The following XKR4 variants were observed in gnomAD, a reference collection of about 807,000 sequenced individuals.
The protein encoded by XKR4 is XK-related protein 4.
A neutral mutation model predicts 53.9 loss-of-function variants in XKR4; 12 were observed. The observed-to-expected ratio is 0.22, with a 90% CI of 0.14 to 0.36. The LOEUF (loss-of-function observed/expected upper bound fraction) is 0.36, where lower values mean the gene tolerates loss of function less well. Among genes scored for constraint, XKR4 ranks in the 10% least tolerant of loss-of-function variants. The pLI is 1.00. For missense variants in XKR4, 799 were observed against 859.5 expected, an observed-to-expected ratio of 0.93 and a Z score of 0.88; for synonymous variants, 354 against 362.4, an observed-to-expected ratio of 0.98 and a Z score of 0.26.
At chr8:55,109,242 T>C (rs1816199266) in intron 1 of XKR4, among the ~76,000 whole-genome samples, 1 of 152,184 alleles carries the variant, frequency 6.6e-6, no homozygotes, top group South Asian at 2.1e-4. Flanking sequence ...GTAGAGAGAC[T>C]AACTCTCATA....
intron 2 of XKR4, among the ~76,000 whole-genome samples, chr8:55,438,133 G>A (rs1431132059): frequency 6.6e-6 from 1 of 151,796 alleles, no homozygotes; most frequent in African/African-American, 2.4e-5. Context: ...AGGGCTCTAG[G>A]AACACATTAC....
chr8:55,405,254 G>A (rs572271539), intron 2 of XKR4, among the ~76,000 whole-genome samples: 47 of 152,290 alleles, frequency 3.1e-4, no homozygotes, highest in African/African-American at 1.0e-3. Context: ...AGGCCTGGCA[G>A]CCTGGATGGG....
chr8:55,282,739 A>G (rs1818859607), intron 1 of XKR4, among the ~76,000 whole-genome samples: 1 of 152,200 alleles, frequency 6.6e-6, no homozygotes, highest in Non-Finnish European at 1.5e-5. Context: ...AACTATATTG[A>G]GTGACATTGG....
chr8:55,509,316 A>G (rs187209786), intron 2 of XKR4, among the ~76,000 whole-genome samples: 26 of 152,296 alleles, frequency 1.7e-4, no homozygotes, highest in Admixed American at 6.5e-4. Flanking sequence ...TTAATTGTGA[A>G]CTCATACTTC....
Position 55,176,523 on chromosome 8 carries a change from A to G in XKR4, c.806+73229A>G, listed in dbSNP as rs1817237972. Among the ~76,000 whole-genome samples, 4 of 152,150 alleles carry G rather than the reference A, an allele frequency of 2.6e-5. No homozygotes were observed. In the South Asian group the frequency reaches 8.3e-4, roughly 32 times the overall value. On this transcript the variant is annotated intron_variant, in intron 1 of 2. Transcript: ENST00000327381. ...TTAAATCTTAATGTCCGGTCTTTGG[A>G]ACACAGAATAAAGTCGCTCTTTCTA...
chr8:55,428,739 A>G (rs768162782), intron 2 of XKR4, among the ~76,000 whole-genome samples: 32 of 152,350 alleles, frequency 2.1e-4, no homozygotes, highest in Middle Eastern at 3.4e-3. Context: ...CAGGACTTCT[A>G]TGCCAAAATT....
intron 1 of XKR4, among the ~76,000 whole-genome samples, chr8:55,344,467 G>A (rs1292944532): frequency 6.8e-6 from 1 of 146,432 alleles, no homozygotes; most frequent in African/African-American, 2.5e-5. Context: ...TTTTTTTAAT[G>A]TGGCTAATAA....
rs1807039261 is a variant in XKR4, at chr8:55,536,906, A to G, written c.*12679A>G. The G allele has an allele frequency of 6.6e-6, 1 of 152,196 alleles. No individual in the cohort carries two copies. Among genetic ancestry groups the G allele is most frequent in the South Asian group, 2.1e-4 (1 of 4,834 alleles). 9.4% of individuals were successfully genotyped at this position (152,196 alleles called of 1,614,324 possible). A position where few individuals can be genotyped will look rare whatever the true frequency, so the allele number is the denominator to read the frequency against. ...TTCTGCTGTTCATATCATCTTAGTT[A>G]TTCACAAAGTCTACTTGATAAAATG... On this transcript the variant is annotated 3_prime_UTR_variant, in exon 3 of 3. Transcript: ENST00000327381.
rs764239339 is a variant in XKR4, at chr8:55,429,509, G to A, written c.1006+71632G>A. Among the ~76,000 whole-genome samples the A allele has an allele frequency of 1.5e-4, 23 of 152,070 alleles. No individual in the cohort carries two copies. In the Middle Eastern group the frequency reaches 0.01, roughly 67 times the overall value. On this transcript the variant is annotated intron_variant, in intron 2 of 2. Coordinates refer to ENST00000327381, the MANE Select transcript of XKR4 (RefSeq NM_052898.2). ...GAATTGCTTGAGGCCAGCAGTTCAA[G>A]ACCAGCCTGGGCAACATAGCAAGAC... is the stretch of plus-strand genomic sequence containing the variant.
intron 2 of XKR4, among the ~76,000 whole-genome samples, chr8:55,441,705 CTT>C (rs1365607780): frequency 1.3e-5 from 2 of 152,008 alleles, no homozygotes; most frequent in Non-Finnish European, 2.9e-5. Flanking sequence ...AAAAATATAA[CTT>C]AATAAGCATT....
Position 55,112,562 on chromosome 8 carries a change from GTTTT to G in XKR4, c.806+9291_806+9294del, listed in dbSNP as rs761779642. On this transcript the variant is annotated intron_variant, in intron 1 of 2. Transcript: ENST00000327381. ...TGGGGCTGAATTCTTTACTTTTCAG[GTTTT>G]TTTTTTTTTTTTTTTTTTTTTTAGG... is the stretch of plus-strand genomic sequence containing the variant. Among the ~76,000 whole-genome samples the G allele has an allele frequency of 7.8e-5, 6 of 77,216 alleles. No individual in the cohort carries two copies. In the South Asian group the frequency reaches 2.0e-3, roughly 26 times the overall value. The allele number at this position is 77,216 out of a possible 152,430, so 50.7% of individuals were successfully genotyped here.
intron 1 of XKR4, among the ~76,000 whole-genome samples, chr8:55,303,974 G>C (rs1404082469): frequency 1.3e-5 from 2 of 151,968 alleles, no homozygotes; most frequent in Non-Finnish European, 2.9e-5. Context: ...ATTTTTTGAA[G>C]GGTTTTTTGT....
rs1351141249 is a variant in XKR4, at chr8:55,533,199, G to C, written c.*8972G>C. On this transcript the variant is annotated 3_prime_UTR_variant, in exon 3 of 3. Transcript: ENST00000327381. Reference sequence around the variant, plus strand: ...CATTGCCATTGTGAGTCTAGAAAATGAGCACTTTGTGTGTTGAGCGCTGTT... The same window carrying C: ...CATTGCCATTGTGAGTCTAGAAAATCAGCACTTTGTGTGTTGAGCGCTGTT... 1 of 152,158 alleles carries C rather than the reference G, an allele frequency of 6.6e-6. No individual in the cohort carries two copies. The highest frequency in any genetic ancestry group is 6.5e-5 in the Admixed American group (1 of 15,284). The allele number at this position is 152,158 out of a possible 1,614,324, so 9.4% of individuals were successfully genotyped here. A position where few individuals can be genotyped will look rare whatever the true frequency, so the allele number is the denominator to read the frequency against.
chr8:55,399,020 G>T (rs973467178), intron 2 of XKR4, among the ~76,000 whole-genome samples: 4 of 152,270 alleles, frequency 2.6e-5, no homozygotes, highest in African/African-American at 9.6e-5. Flanking sequence ...CAATATTTTA[G>T]TACACCACAG....
chr8:55,319,199 T>C (rs575067575), intron 1 of XKR4, among the ~76,000 whole-genome samples: 1 of 152,312 alleles, frequency 6.6e-6, no homozygotes, highest in Non-Finnish European at 1.5e-5. Flanking sequence ...TTACTTTTTT[T>C]TCCCTGTGAT....
rs149991850 is a variant in XKR4 at position 55,257,296 on chromosome 8, G to A, written c.807-100382G>A. Reference sequence around the variant, plus strand: ...AAATAAAGGACAGGGCATCAAGTGAGTTCATATAATAAATATATATCCACA... The same window carrying A: ...AAATAAAGGACAGGGCATCAAGTGAATTCATATAATAAATATATATCCACA... On this transcript the variant is annotated intron_variant, in intron 1 of 2. Transcript: ENST00000327381. Among the ~76,000 whole-genome samples the A allele has an allele frequency of 4.5e-3, 690 of 152,218 alleles. 6 individuals are homozygous for A. The highest frequency in any genetic ancestry group is 0.016 in the African/African-American group (644 of 41,542).
chr8:55,235,677 AAC>A (rs1818110250), intron 1 of XKR4, among the ~76,000 whole-genome samples: 1 of 152,116 alleles, frequency 6.6e-6, no homozygotes, highest in South Asian at 2.1e-4. Flanking sequence ...ATCCACCTTT[AAC>A]AAAAAAGAGA....
intron 2 of XKR4, among the ~76,000 whole-genome samples, chr8:55,456,113 G>GA (rs1367615860): frequency 2.0e-5 from 3 of 152,022 alleles, no homozygotes; most frequent in Non-Finnish European, 4.4e-5. Flanking sequence ...CCATACTCAG[G>GA]AAAAAAAGGA....
intron 2 of XKR4, among the ~76,000 whole-genome samples, chr8:55,387,493 T>G (rs1336966686): frequency 6.6e-6 from 1 of 152,220 alleles, no homozygotes; most frequent in Non-Finnish European, 1.5e-5. Context: ...ATCTGTGTAC[T>G]ACTTCCCTAG....
Sources: gnomAD v4.1 joint callset for allele counts (sites outside exome capture counted in the v4.1 genomes callset) on GRCh38, gnomAD v4.1.1 for gene constraint, MANE v1.5 for transcripts, NCBI Gene and HGNC (gene_info 2026-07-23, HGNC 2026-07-21) for gene names.